The following TESK2 variants were observed in gnomAD, a reference collection of about 807,000 sequenced individuals.
The protein encoded by TESK2 is dual specificity testis-specific protein kinase 2.
Under a neutral mutation model 57.1 loss-of-function variants are expected in TESK2, and 39 were observed. That is an observed-to-expected ratio of 0.68 (90% confidence interval 0.53 to 0.89). TESK2 has a LOEUF of 0.89. Ranked by LOEUF, TESK2 falls within the 40% of genes least tolerant of loss-of-function variation. The pLI, the probability that TESK2 is intolerant of heterozygous loss-of-function variation, is 0.00. For synonymous variants in TESK2, 249 were observed against 267.9 expected (o/e 0.93, Z 0.69); for missense variants, 646 against 732.1 (o/e 0.88, Z 1.36).
At chr1:45,436,174 G>A (rs1459338487) in intron 2 of TESK2, among the ~76,000 whole-genome samples, 1 of 56,726 alleles carries the variant, frequency 1.8e-5, no homozygotes, top group Non-Finnish European at 3.6e-5. Context: ...AATGACATTG[G>A]TATCTTCTTT....
chr1:45,403,145 G>A lies in TESK2; in HGVS notation c.345-17185C>T, dbSNP rs1312431197. On this transcript the variant is annotated intron_variant, in intron 3 of 10. Transcript: ENST00000372086. ...CTAAATATCAAAAAATTAGCTGGGTGTGGGGCACGCCTGTGGTCCTAGCTA... is the reference window on the plus strand; with the variant it reads ...CTAAATATCAAAAAATTAGCTGGGTATGGGGCACGCCTGTGGTCCTAGCTA... 2.0e-5 allele frequency among the ~76,000 whole-genome samples: 3 copies of A among 151,424 alleles called. No individual in the cohort carries two copies. In the South Asian group the frequency reaches 6.3e-4, roughly 32 times the overall value.
chr1:45,405,815 A>C (rs1406181185), intron 3 of TESK2, among the ~76,000 whole-genome samples: 1 of 151,914 alleles, frequency 6.6e-6, no homozygotes, highest in Non-Finnish European at 1.5e-5. Flanking sequence ...CCAAGGCTGC[A>C]GTGAGCCATG....
At chr1:45,360,245 G>A (rs1419978467) in intron 4 of TESK2, among the ~76,000 whole-genome samples, 1 of 152,072 alleles carries the variant, frequency 6.6e-6, no homozygotes, top group Non-Finnish European at 1.5e-5. Flanking sequence ...TGAACTTCAG[G>A]GTTATAAGTG....
chr1:45,447,283 CA>C (rs1651681285), intron 2 of TESK2, among the ~76,000 whole-genome samples: 2 of 152,094 alleles, frequency 1.3e-5, no homozygotes, highest in Non-Finnish European at 2.9e-5. Flanking sequence ...GCTTAAAACA[CA>C]AACACATTTA....
chr1:45,357,953 G>A (rs994782061), intron 4 of TESK2, among the ~76,000 whole-genome samples: 22 of 145,058 alleles, frequency 1.5e-4, no homozygotes, highest in African/African-American at 4.1e-4. Context: ...GCAGTAAGCC[G>A]AGATTGCACC....
chr1:45,347,141 C>T (rs1430586277), intron 7 of TESK2, 79 bp from the exon 8 acceptor site: 6 of 1,275,932 alleles, frequency 4.7e-6, no homozygotes, highest in Admixed American at 3.5e-5. Flanking sequence ...GCCTCCCCTG[C>T]ACCCCACCAT....
chr1:45,425,592 C>A (rs764239789), intron 2 of TESK2, among the ~76,000 whole-genome samples: 5 of 151,904 alleles, frequency 3.3e-5, no homozygotes, highest in African/African-American at 4.8e-5. Context: ...GAGGTCAAGG[C>A]TGCAGTGAGC....
intron 4 of TESK2, among the ~76,000 whole-genome samples, chr1:45,366,891 T>C (rs1044256820): frequency 3.9e-5 from 6 of 152,190 alleles, no homozygotes; most frequent in Non-Finnish European, 7.3e-5. Context: ...CCCAGCACTT[T>C]TGGAGGCCAA....
intron 2 of TESK2, among the ~76,000 whole-genome samples, chr1:45,433,068 T>C (rs1454619393): frequency 8.2e-3 from 19 of 2,324 alleles, no homozygotes; most frequent in Non-Finnish European, 0.014. Flanking sequence ...CCAGCCGCTT[T>C]TTTTTTTTTT....
intron 2 of TESK2, 82 bp from the exon 3 acceptor site, chr1:45,421,928 C>A: frequency 6.8e-7 from 1 of 1,472,328 alleles, no homozygotes; most frequent in Non-Finnish European, 9.2e-7. Flanking sequence ...GTACAATATG[C>A]CAAGATATTT....
At position 45,344,716 on chromosome 1, in the gene TESK2, A is replaced by C; in HGVS notation, c.*124T>G. 1 of 913,824 alleles carries C rather than the reference A, an allele frequency of 1.1e-6. No individual in the cohort carries two copies. The highest frequency in any genetic ancestry group is 1.7e-5 in the South Asian group (1 of 58,202). The allele number at this position is 913,824 out of a possible 1,614,324, so 56.6% of individuals were successfully genotyped here. ...ATGGGCACTGGGAGCCCAGAAGTTG[A>C]GCCTGGCTTGGCCTAGCCTGCCTGC... On this transcript the variant is annotated 3_prime_UTR_variant, in exon 11 of 11. Coordinates refer to ENST00000372086, the MANE Select transcript of TESK2 (RefSeq NM_007170.3).
chr1:45,414,818 A>T (rs139817306), intron 3 of TESK2, among the ~76,000 whole-genome samples: 191 of 152,356 alleles, frequency 1.3e-3, no homozygotes, highest in African/African-American at 4.5e-3. Flanking sequence ...TATTAGCCAC[A>T]TGTGGCTACT....
intron 7 of TESK2, 30 bp downstream of exon 7, chr1:45,347,579 G>C: frequency 6.3e-7 from 1 of 1,590,510 alleles, no homozygotes; most frequent in South Asian, 1.1e-5. Flanking sequence ...GAAAAAAGGA[G>C]AATCAGGCCT....
At chr1:45,415,253 G>T in intron 3 of TESK2, 1 of 1,439,758 alleles carries the variant, frequency 6.9e-7, no homozygotes, top group African/African-American at 1.4e-5. Flanking sequence ...GTGAAAGAAG[G>T]CATGAATATT....
intron 4 of TESK2, among the ~76,000 whole-genome samples, chr1:45,357,778 G>A (rs1019247845): frequency 1.3e-5 from 2 of 151,848 alleles, no homozygotes; most frequent in African/African-American, 4.8e-5. Flanking sequence ...GGCCAAGGCA[G>A]GTGGATTACC....
At position 45,448,638 on chromosome 1, in the gene TESK2, C is replaced by G. The variant is rs185625289; in HGVS notation, c.222+8926G>C. Among the ~76,000 whole-genome samples the G allele has an allele frequency of 8.5e-5, 13 of 152,182 alleles. No individual in the cohort carries two copies. In the East Asian group the frequency reaches 2.3e-3, roughly 27 times the overall value. On this transcript the variant is annotated intron_variant, in intron 2 of 10. Transcript: ENST00000372086. The stretch of plus-strand genomic sequence containing the variant: ...CCAGATGTCACATGAACAAACTGAG[C>G]AAGAACTCACTTATCACCGACGGGA...
At chr1:45,347,884 C>G in intron 6 of TESK2, 34 bp downstream of exon 6, 1 of 1,567,646 alleles carries the variant, frequency 6.4e-7, no homozygotes, top group Non-Finnish European at 8.8e-7. Flanking sequence ...AGCCCCCTGT[C>G]CCTTGGACCC....
intron 1 of TESK2, among the ~76,000 whole-genome samples, chr1:45,460,093 T>C (rs1652269734): frequency 6.6e-6 from 1 of 151,776 alleles, no homozygotes; most frequent in African/African-American, 2.4e-5. Context: ...AAAAACTTCC[T>C]ATTGGGTACT....
In TESK2 at chr1:45,472,388, C is replaced by T. The variant is rs548687082; in HGVS notation, c.-86-14517G>A. Among the ~76,000 whole-genome samples the T allele has an allele frequency of 6.1e-4, 91 of 150,386 alleles. 2 individuals are homozygous for T. Among genetic ancestry groups the T allele is most frequent in the African/African-American group, 2.2e-3 (89 of 40,946 alleles). On this transcript the variant is annotated intron_variant, in intron 1 of 10. Coordinates refer to ENST00000372086, the MANE Select transcript of TESK2 (RefSeq NM_007170.3). ...GCCTGGCCAACATGGGGAAACCCCA[C>T]CTCTACTAAAAATACAAAAATTAGC...
Sources: gnomAD v4.1 joint callset for allele counts (sites outside exome capture counted in the v4.1 genomes callset) on GRCh38, gnomAD v4.1.1 for gene constraint, MANE v1.5 for transcripts, NCBI Gene and HGNC (gene_info 2026-07-23, HGNC 2026-07-21) for gene names.